Variants in CELF1 observed in about 807,000 individuals in gnomAD.
CELF1 encodes the protein CUGBP Elav-like family member 1, also known as 50 kDa nuclear polyadenylated RNA-binding protein.
A neutral mutation model predicts 61.8 loss-of-function variants in CELF1; 10 were observed. The observed-to-expected ratio is 0.16, with a 90% confidence interval of 0.10 to 0.27. The LOEUF (loss-of-function observed/expected upper bound fraction) is 0.27. Ranked by LOEUF, CELF1 falls within the 10% of genes least tolerant of loss-of-function variation. CELF1 has a pLI of 1.00. For missense variants in CELF1, 380 were observed against 639.1 expected (o/e 0.59, Z 4.37); for synonymous variants, 236 against 225.1 (o/e 1.05, Z -0.43).
intron 13 of CELF1, among the ~76,000 whole-genome samples, chr11:47,474,480 G>A (rs749726889): frequency 1.2e-4 from 18 of 152,072 alleles, no homozygotes; most frequent in East Asian, 5.8e-4. Context: ...CTCTCTTCCC[G>A]GCTTGTCATT....
intron 1 of CELF1, among the ~76,000 whole-genome samples, chr11:47,529,228 C>T (rs1376546417): frequency 6.6e-6 from 1 of 151,976 alleles, no homozygotes; most frequent in Non-Finnish European, 1.5e-5. Context: ...TAGCTCCTGG[C>T]TCCAGTTTCT....
rs746075101 is a variant in CELF1, at chr11:47,478,984, TGA to T, written c.769-34_769-33del. The T allele has an allele frequency of 6.4e-6, 10 of 1,565,120 alleles. No homozygotes were observed. The South Asian group carries it at 1.1e-4, about 18-fold the overall frequency. ...ATTACACCAAAAAACAGAACAAGAG[TGA>T]GAGTGAGGGCTGGTTCTGCATCTGG... On this transcript the variant is annotated intron_variant, in intron 9 of 14. Coordinates refer to ENST00000687097, the MANE Select transcript of CELF1 (RefSeq NM_001376376.1).
At chr11:47,517,320 T>C (rs1358329414) in intron 1 of CELF1, among the ~76,000 whole-genome samples, 2 of 149,392 alleles carry the variant, frequency 1.3e-5, no homozygotes, top group East Asian at 2.0e-4. Flanking sequence ...TCTAGAAATA[T>C]AGTTTACAAA....
chr11:47,552,948 T>C (rs1598717537), intron 1 of CELF1, 44 bp downstream of exon 1: 1 of 383,056 alleles, frequency 2.6e-6, no homozygotes, highest in Non-Finnish European at 4.6e-6. Flanking sequence ...TTTTTTCCCC[T>C]CCCTCCCTCC....
At chr11:47,531,244 AAACAAC>A (rs553113820) in intron 1 of CELF1, among the ~76,000 whole-genome samples, 28 of 151,308 alleles carry the variant, frequency 1.9e-4, no homozygotes, top group African/African-American at 6.1e-4. Context: ...CTCCGAATCA[AAACAAC>A]AACAACAACA....
chr11:47,529,870 G>C (rs544101495), intron 1 of CELF1, among the ~76,000 whole-genome samples: 55 of 152,126 alleles, frequency 3.6e-4, no homozygotes, highest in African/African-American at 1.3e-3. Flanking sequence ...GAGTATGAAA[G>C]ACTGGAATGA....
chr11:47,512,530 G>A (rs1418915574), intron 1 of CELF1, among the ~76,000 whole-genome samples: 3 of 149,092 alleles, frequency 2.0e-5, no homozygotes, highest in African/African-American at 7.4e-5. Flanking sequence ...AGTAGAGACA[G>A]AGTCTGGCCA....
At chr11:47,512,709 A>C (rs374974278) in intron 1 of CELF1, among the ~76,000 whole-genome samples, 1 of 152,172 alleles carries the variant, frequency 6.6e-6, no homozygotes, top group East Asian at 1.9e-4. Context: ...TATTCTCTTT[A>C]AAGTATTACT....
intron 2 of CELF1, among the ~76,000 whole-genome samples, chr11:47,562,056 G>A (rs189630429): frequency 1.1e-4 from 17 of 151,890 alleles, no homozygotes; most frequent in African/African-American, 3.9e-4. Context: ...GAGAAACCCC[G>A]TCTCTACTAA....
chr11:47,508,775 A>G (rs2094777621), intron 1 of CELF1, among the ~76,000 whole-genome samples: 1 of 152,002 alleles, frequency 6.6e-6, no homozygotes, highest in Non-Finnish European at 1.5e-5. Flanking sequence ...CAATACACAA[A>G]AAAGGCTGTT....
intron 1 of CELF1, among the ~76,000 whole-genome samples, chr11:47,547,228 G>C (rs1350958392): frequency 1.3e-5 from 2 of 152,118 alleles, no homozygotes; most frequent in Non-Finnish European, 2.9e-5. Context: ...TTTTCAAGAA[G>C]TTTGAATATG....
intron 6 of CELF1, among the ~76,000 whole-genome samples, chr11:47,486,282 TATA>T (rs1441804129): frequency 6.6e-6 from 1 of 151,906 alleles, no homozygotes; most frequent in Non-Finnish European, 1.5e-5. Context: ...ACAATGTTCT[TATA>T]ATATTTCTCT....
At chr11:47,486,078 G>A (rs1365686587) in intron 6 of CELF1, among the ~76,000 whole-genome samples, 1 of 60,054 alleles carries the variant, frequency 1.7e-5, no homozygotes, top group African/African-American at 6.6e-5. Context: ...GGAGAATGCA[G>A]TGAACCCGGG....
At chr11:47,529,549 C>T (rs1275436113) in intron 1 of CELF1, among the ~76,000 whole-genome samples, 1 of 151,856 alleles carries the variant, frequency 6.6e-6, no homozygotes, top group African/African-American at 2.4e-5. Flanking sequence ...GTCCCAGCCA[C>T]TTGGGAGGCT....
At chr11:47,496,276 A>T (rs2093080646) in intron 3 of CELF1, among the ~76,000 whole-genome samples, 1 of 152,242 alleles carries the variant, frequency 6.6e-6, no homozygotes, top group Non-Finnish European at 1.5e-5. Flanking sequence ...GTCACCATCC[A>T]ACAACAGAAT....
intron 1 of CELF1, among the ~76,000 whole-genome samples, chr11:47,510,518 G>A (rs1055143816): frequency 2.6e-5 from 4 of 152,072 alleles, no homozygotes; most frequent in African/African-American, 4.8e-5. Flanking sequence ...TGAGGGTCTC[G>A]CTCTGTTGCC....
chr11:47,479,872 T>C (rs937737351), intron 9 of CELF1, among the ~76,000 whole-genome samples: 1 of 151,964 alleles, frequency 6.6e-6, no homozygotes, highest in African/African-American at 2.4e-5. Flanking sequence ...CTAGAGACCA[T>C]GGATAAGTTT....
At chr11:47,488,552 C>A (rs2153473096) in intron 4 of CELF1, among the ~76,000 whole-genome samples, 1 of 152,308 alleles carries the variant, frequency 6.6e-6, no homozygotes, top group Non-Finnish European at 1.5e-5. Flanking sequence ...AGAACCCTCA[C>A]AAAGGACTGC....
rs762827067 is a variant in CELF1, at chr11:47,484,542, A to G, written c.392-19T>C. On this transcript the variant is annotated intron_variant, in intron 6 of 14. Coordinates refer to ENST00000687097, the MANE Select transcript of CELF1 (RefSeq NM_001376376.1). ...TCCACTGCTAAGAGAGTAAAACAGAAAAGACTTGAATATTACTACTTAAAG... is the reference window on the plus strand; with the variant it reads ...TCCACTGCTAAGAGAGTAAAACAGAGAAGACTTGAATATTACTACTTAAAG... 3.6e-5 allele frequency: 57 copies of G among 1,596,244 alleles called. No homozygotes were observed. The highest frequency in any genetic ancestry group is 4.7e-5 in the Non-Finnish European group (55 of 1,174,048).
Sources: allele counts gnomAD v4.1 joint callset (sites outside exome capture counted in the v4.1 genomes callset), GRCh38; gene constraint gnomAD v4.1.1; transcripts MANE v1.5; gene names NCBI Gene and HGNC (gene_info 2026-07-23, HGNC 2026-07-21).